Variants in MON1B observed in about 807,000 individuals in gnomAD.
MON1B encodes the protein vacuolar fusion protein MON1 homolog B.
MON1B carries 26 observed loss-of-function variants against 45.1 expected under a neutral mutation model. That is an observed-to-expected ratio of 0.58 (90% CI 0.42 to 0.80). The LOEUF is 0.80. MON1B is among the 30% of genes least tolerant of loss of function. The pLI is 0.00. For missense variants in MON1B, 737 were observed against 754.5 expected (o/e 0.98, Z 0.27); for synonymous variants, 395 against 320.2 (o/e 1.23, Z -2.49).
At chr16:77,196,058 G>C (rs997713485) in intron 5 of MON1B, among the ~76,000 whole-genome samples, 1 of 152,216 alleles carries the variant, frequency 6.6e-6, no homozygotes, top group African/African-American at 2.4e-5. Flanking sequence ...TGAGTCCCCA[G>C]CACTCCTCAG....
At chr16:77,191,998 G>A (rs1181726894) in intron 2 of MON1B, among the ~76,000 whole-genome samples, 2 of 152,014 alleles carry the variant, frequency 1.3e-5, no homozygotes, top group Non-Finnish European at 2.9e-5. Context: ...GTGTTTTTGA[G>A]GAGTAGGGTG....
chr16:77,197,632 G>C (rs1029685949), intron 5 of MON1B, among the ~76,000 whole-genome samples: 1 of 152,140 alleles, frequency 6.6e-6, no homozygotes, highest in Non-Finnish European at 1.5e-5. Context: ...GGCCGGAGCA[G>C]AGGGAGTGAA....
chr16:77,191,642 C>T lies in MON1B; in HGVS notation c.148+9C>T. The T allele has an allele frequency of 6.2e-7, 1 of 1,608,854 alleles. No homozygotes were observed. Among genetic ancestry groups the T allele is most frequent in the Non-Finnish European group, 8.5e-7 (1 of 1,178,084 alleles). On this transcript the variant is annotated intron_variant, in intron 2 of 5. Coordinates refer to ENST00000248248, the MANE Select transcript of MON1B (RefSeq NM_014940.4). ...GGGCCTGGAGGAAACAGGTATGACT[C>T]CACTTAGTGGGGTCTTAAAAGGAAT...
Position 77,193,782 on chromosome 16 carries a change from G to A in MON1B, c.475+5G>A. On this transcript the variant is annotated splice_donor_5th_base_variant and intron_variant, in intron 3 of 5. Transcript: ENST00000248248. The surrounding 1 kb of genome is among the most constrained non-coding windows in gnomAD (Gnocchi z 5.0). ...CCATCCGTGCCATCTACGCTGGTGA[G>A]CAAACAGGTGGGAGGCAGAATGGGG... The A allele has an allele frequency of 6.2e-7, 1 of 1,602,854 alleles. No individual in the cohort carries two copies. The highest frequency in any genetic ancestry group is 2.2e-5 in the East Asian group (1 of 44,690).
chr16:77,193,629 G>T lies in MON1B; in HGVS notation c.327G>T (p.Arg109=). Residue 109 remains arginine, a synonymous_variant, in exon 3 of 6, where the codon CGG becomes CGT. Transcript: ENST00000248248. The surrounding 1 kb of genome is among the most constrained non-coding windows in gnomAD (Gnocchi z 5.0). ...DPSDEEWRSQ[R]KHVFVLSEAG... is the part of the protein sequence containing the mutation. Reference sequence around the variant, plus strand: ...GTGATGAGGAGTGGCGCAGCCAGCGGAAGCATGTGTTTGTGCTGAGTGAGG... The same window carrying T: ...GTGATGAGGAGTGGCGCAGCCAGCGTAAGCATGTGTTTGTGCTGAGTGAGG... 6.2e-7 allele frequency: 1 copy of T among 1,614,134 alleles called. No homozygotes were observed. The highest frequency in any genetic ancestry group is 8.5e-7 in the Non-Finnish European group (1 of 1,179,984).
chr16:77,191,897 A>G (rs1480884288), intron 2 of MON1B, among the ~76,000 whole-genome samples: 1 of 152,212 alleles, frequency 6.6e-6, no homozygotes, highest in Non-Finnish European at 1.5e-5. Context: ...GTTAGGACCA[A>G]AGAGGGTCAC....
Position 77,194,153 on chromosome 16 carries a change from T to C in MON1B, c.476-182T>C, listed in dbSNP as rs2054639944. On this transcript the variant is annotated intron_variant, in intron 3 of 5. Transcript: ENST00000248248. The surrounding 1 kb of genome is among the most constrained non-coding windows in gnomAD (Gnocchi z 8.1). ...ACTTGTTCCTTTGTCCATCCCATCA[T>C]GTCTCTGCAAATGTCCAGATTCCTC... 1 of 691,854 alleles carries C rather than the reference T, an allele frequency of 1.4e-6. No individual in the cohort carries two copies. The highest frequency in any genetic ancestry group is 1.7e-5 in the South Asian group (1 of 60,266). 42.9% of individuals were successfully genotyped at this position (691,854 alleles called of 1,614,324 possible). A position where few individuals can be genotyped will look rare whatever the true frequency, so the allele number is the denominator to read the frequency against.
chr16:77,191,321 G>GC lies in MON1B; in HGVS notation c.-11+63_-11+64insC, dbSNP rs796675036. ...TCTCCTCTTTTCGGAAAGTGTTGGA[G>GC]GGGGGACGTATTTGGGCATGATTTT... On this transcript the variant is annotated intron_variant, in intron 1 of 5. Coordinates refer to ENST00000248248, the MANE Select transcript of MON1B (RefSeq NM_014940.4). The GC allele has an allele frequency of 5.3e-4, 775 of 1,457,462 alleles. 6 individuals carry two copies. The East Asian group carries it at 9.3e-3, about 17-fold the overall frequency. The allele number at this position is 1,457,462 out of a possible 1,614,324, so 90.3% of individuals were successfully genotyped here. A position where few individuals can be genotyped will look rare whatever the true frequency, so the allele number is the denominator to read the frequency against.
rs2054724663 is a variant in MON1B, at chr16:77,200,293, C to CATAT, written c.*1986_*1987insTATA. ...ATATGTGTATATATATATATATATA[C>CATAT]ACACACTAATCAGCCGGGCGCGGTG... is the stretch of plus-strand genomic sequence containing the variant. On this transcript the variant is annotated 3_prime_UTR_variant, in exon 6 of 6. Transcript: ENST00000248248. The CATAT allele has an allele frequency of 1.5e-5, 1 of 66,524 alleles. No homozygotes were observed. The allele number at this position is 66,524 out of a possible 1,614,324, so 4.1% of individuals were successfully genotyped here.
chr16:77,193,679 A>G lies in MON1B; in HGVS notation c.377A>G (p.Tyr126Cys). ...SEAGKPIYSR[Y>C]GSVEALSATM... ...GCTGGCAAGCCCATCTACTCGCGGT[A>G]TGGTAGTGTGGAGGCGCTGTCGGCT... The change falls in exon 3 of 6, where the codon TAT (tyrosine) becomes TGT (cysteine). Residue 126 changes from tyrosine to cysteine, a missense_variant. Tyr to Cys is a radical substitution (Grantham distance 194). Coordinates refer to ENST00000248248, the MANE Select transcript of MON1B (RefSeq NM_014940.4). This position sits in a 1 kb window ranked among gnomAD's most constrained non-coding sequence, Gnocchi z 5.0. The G allele has an allele frequency of 6.2e-7, 1 of 1,614,064 alleles. No homozygotes were observed. Among genetic ancestry groups the G allele is most frequent in the Non-Finnish European group, 8.5e-7 (1 of 1,179,964 alleles).
Position 77,200,764 on chromosome 16 carries a change from A to AT in MON1B, c.*2456_*2457insT. On this transcript the variant is annotated 3_prime_UTR_variant, in exon 6 of 6. Coordinates refer to ENST00000248248, the MANE Select transcript of MON1B (RefSeq NM_014940.4). ...GAGTGAGCAAAAAAAAAAAAAAAAA[A>AT]AGAAAAAACAAAAAGAAAAAAATCT... 9.6e-6 allele frequency: 1 copy of AT among 104,318 alleles called. No individual in the cohort carries two copies. The highest frequency in any genetic ancestry group is 3.2e-4 in the East Asian group (1 of 3,148). 6.5% of individuals were successfully genotyped at this position (104,318 alleles called of 1,614,324 possible).
chr16:77,193,534 C>A lies in MON1B; in HGVS notation c.232C>A (p.Pro78Thr), dbSNP rs746333976. The A allele has an allele frequency of 6.2e-7, 1 of 1,613,636 alleles. No homozygotes were observed. The highest frequency in any genetic ancestry group is 8.5e-7 in the Non-Finnish European group (1 of 1,179,678). ...ALSSTSRLWS[P>T]AAPENSPTCS... ...GTCAAGCACCTCTCGGCTCTGGAGT[C>A]CTGCAGCCCCTGAGAATAGTCCCAC... Residue 78 changes from proline to threonine, a missense_variant, in exon 3 of 6, where the codon CCT becomes ACT. Physicochemically the swap from Pro to Thr is conservative, Grantham distance 38. Coordinates refer to ENST00000248248, the MANE Select transcript of MON1B (RefSeq NM_014940.4). The surrounding 1 kb of genome is among the most constrained non-coding windows in gnomAD (Gnocchi z 5.0).
rs1022572457 is a variant in MON1B, at chr16:77,193,058, G to A, written c.149-393G>A. 1.3e-5 allele frequency among the ~76,000 whole-genome samples: 2 copies of A among 151,970 alleles called. No individual in the cohort carries two copies. The highest frequency in any genetic ancestry group is 6.5e-5 in the Admixed American group (1 of 15,270). ...TGGCCATTGGGTGAGCAGATATCAG[G>A]AGAAAAAATAGCGGTCAGAGGAGTT... On this transcript the variant is annotated intron_variant, in intron 2 of 5. Coordinates refer to ENST00000248248, the MANE Select transcript of MON1B (RefSeq NM_014940.4). This position sits in a 1 kb window ranked among gnomAD's most constrained non-coding sequence, Gnocchi z 5.0.
chr16:77,202,342 T>C lies in MON1B; in HGVS notation c.*4034T>C, dbSNP rs2054751732. The C allele has an allele frequency of 6.6e-6, 1 of 152,232 alleles. No homozygotes were observed. The highest frequency in any genetic ancestry group is 1.5e-5 in the Non-Finnish European group (1 of 68,046). The allele number at this position is 152,232 out of a possible 1,614,324, so 9.4% of individuals were successfully genotyped here. A position where few individuals can be genotyped will look rare whatever the true frequency, so the allele number is the denominator to read the frequency against. ...GACAAAATGGGAGCACTGTGGCCTA[T>C]TTTTACAACTTTTGTGTACATCTGC... is the stretch of plus-strand genomic sequence containing the variant. On this transcript the variant is annotated 3_prime_UTR_variant, in exon 6 of 6. Transcript: ENST00000248248.
At position 77,201,804 on chromosome 16, in the gene MON1B, T is replaced by C. The variant is rs2054746333; in HGVS notation, c.*3496T>C. 6.6e-6 allele frequency: 1 copy of C among 152,272 alleles called. No homozygotes were observed. The highest frequency in any genetic ancestry group is 1.9e-4 in the East Asian group (1 of 5,174). 9.4% of individuals were successfully genotyped at this position (152,272 alleles called of 1,614,324 possible). On this transcript the variant is annotated 3_prime_UTR_variant, in exon 6 of 6. Coordinates refer to ENST00000248248, the MANE Select transcript of MON1B (RefSeq NM_014940.4). ...AAATGTATTAAATTATAAGTTCTAA[T>C]TTAAATGTATTAAAATTAAATTATA...
Position 77,199,113 on chromosome 16 carries a change from C to T in MON1B, c.*805C>T. 3.3e-6 allele frequency: 1 copy of T among 299,604 alleles called. No individual in the cohort carries two copies. The highest frequency in any genetic ancestry group is 1.0e-3 in the Middle Eastern group (1 of 990). The allele number at this position is 299,604 out of a possible 1,614,324, so 18.6% of individuals were successfully genotyped here. ...ATTGTGTACCACCACATAGCACATG[C>T]ACGTCTGTCCCAGACTTTGACAACC... is the stretch of plus-strand genomic sequence containing the variant. On this transcript the variant is annotated 3_prime_UTR_variant, in exon 6 of 6. Coordinates refer to ENST00000248248, the MANE Select transcript of MON1B (RefSeq NM_014940.4).
Position 77,194,658 on chromosome 16 carries a change from C to A in MON1B, c.799C>A (p.Arg267Ser). The change falls in exon 4 of 6, where the codon CGT becomes AGT. Residue 267 changes from arginine (R) to serine (S), a missense_variant. By Grantham distance (110) the Arg-to-Ser change is moderately radical. Transcript: ENST00000248248. The surrounding 1 kb of genome is among the most constrained non-coding windows in gnomAD (Gnocchi z 8.1). ...LRDALGALLR[R>S]CTAPGLALSV... is the part of the protein sequence containing the mutation. Reference sequence around the variant, plus strand: ...AGACGCACTAGGTGCGCTCCTCCGACGTTGCACAGCGCCTGGCCTGGCGCT... The same window carrying A: ...AGACGCACTAGGTGCGCTCCTCCGAAGTTGCACAGCGCCTGGCCTGGCGCT... The A allele has an allele frequency of 6.2e-7, 1 of 1,613,908 alleles. No individual in the cohort carries two copies.
chr16:77,198,343 C>T lies in MON1B; in HGVS notation c.*35C>T. The T allele has an allele frequency of 1.3e-6, 2 of 1,591,114 alleles. No individual in the cohort carries two copies. The highest frequency in any genetic ancestry group is 1.1e-5 in the South Asian group (1 of 90,606). The stretch of plus-strand genomic sequence containing the variant: ...CTCCCAGACCAGGCAGTGCTGGGAG[C>T]AACCACCTTTGTTTTTTACCTTCTG... On this transcript the variant is annotated 3_prime_UTR_variant, in exon 6 of 6. Transcript: ENST00000248248.
At position 77,199,442 on chromosome 16, in the gene MON1B, G is replaced by C; in HGVS notation, c.*1134G>C. ...CAAGCGAGGCTCGCGCGCAGGCCCCGCGTTGGAAAATGGCGGGGAAGCTGA... is the reference window on the plus strand; with the variant it reads ...CAAGCGAGGCTCGCGCGCAGGCCCCCCGTTGGAAAATGGCGGGGAAGCTGA... On this transcript the variant is annotated 3_prime_UTR_variant, in exon 6 of 6. Transcript: ENST00000248248. 1.3e-6 allele frequency: 2 copies of C among 1,551,460 alleles called. No homozygotes were observed. The highest frequency in any genetic ancestry group is 1.7e-6 in the Non-Finnish European group (2 of 1,146,960).
Sources: allele counts gnomAD v4.1 joint callset (sites outside exome capture counted in the v4.1 genomes callset), GRCh38; gene constraint gnomAD v4.1.1; non-coding constraint Gnocchi (gnomAD v3.1); transcripts MANE v1.5; gene names NCBI Gene and HGNC (gene_info 2026-07-23, HGNC 2026-07-21).